COL16A1: variants seen among roughly 807,000 people sequenced by gnomAD.
The protein encoded by COL16A1 is collagen type XVI alpha 1 chain, also known as collagen alpha-1(XVI) chain.
Under a neutral mutation model 266.3 loss-of-function variants are expected in COL16A1, and 189 were observed. The ratio of observed to expected loss-of-function variants is 0.71; its 90% CI spans 0.63 to 0.80. COL16A1 has a LOEUF of 0.80. Ranked by LOEUF, COL16A1 falls within the 30% of genes least tolerant of loss-of-function variation. The pLI is 0.00. For synonymous variants in COL16A1, 740 were observed against 782.3 expected (o/e 0.95, Z 0.90); for missense variants, 1,928 against 2,122.4 (o/e 0.91, Z 1.80).
At chr1:31,678,814 A>G (rs1448353460) in intron 42 of COL16A1, among the ~76,000 whole-genome samples, 1 of 152,202 alleles carries the variant, frequency 6.6e-6, no homozygotes, top group Non-Finnish European at 1.5e-5. Context: ...CTACCGTCAC[A>G]CAGCTAGCAC....
chr1:31,656,964 G>A lies in COL16A1; in HGVS notation c.4056+69C>T, dbSNP rs1225291442. 9 of 1,602,482 alleles carry A rather than the reference G, an allele frequency of 5.6e-6. No individual in the cohort carries two copies. Among genetic ancestry groups the A allele is most frequent in the Non-Finnish European group, 6.8e-6 (8 of 1,170,110 alleles). On this transcript the variant is annotated intron_variant, in intron 65 of 70. Coordinates refer to ENST00000373672, the MANE Select transcript of COL16A1 (RefSeq NM_001856.4). The surrounding 1 kb of genome is among the most constrained non-coding windows in gnomAD (Gnocchi z 4.2). Reference sequence around the variant, plus strand: ...AGGAATGTTTACTGAAAAAAATGAAGAGGGGTCAGGGCAAGGCGAGGAGCA... The same window carrying A: ...AGGAATGTTTACTGAAAAAAATGAAAAGGGGTCAGGGCAAGGCGAGGAGCA...
rs375383196 is a variant in COL16A1 at position 31,696,998 on chromosome 1, G to T, written c.829C>A (p.Arg277Ser). The change falls in exon 8 of 71, where the codon CGC becomes AGC. Residue 277 changes from arginine (R) to serine (S), a missense_variant. By Grantham distance (110) the Arg-to-Ser change is moderately radical. This residue lies in a region of COL16A1 where 1,552 missense variants were observed against 1,637.2 expected (regional missense o/e 0.95). Transcript: ENST00000373672. ...TGAGGCTCCTCCAGGCAGAAGCAGC[G>T]GGTGTAGACCTTGCCTTCAGACTGT... The part of the protein sequence containing the change: ...NPQSEGKVYT[R>S]CFCLEEPQNS... 2 of 1,614,146 alleles carry T rather than the reference G, an allele frequency of 1.2e-6. No homozygotes were observed. Among genetic ancestry groups the T allele is most frequent in the Admixed American group, 1.7e-5 (1 of 60,032 alleles).
In COL16A1 at chr1:31,670,319, T is replaced by C; in HGVS notation, c.3195+283A>G. On this transcript the variant is annotated intron_variant, in intron 49 of 70. Coordinates refer to ENST00000373672, the MANE Select transcript of COL16A1 (RefSeq NM_001856.4). This position sits in a 1 kb window ranked among gnomAD's most constrained non-coding sequence, Gnocchi z 4.5. ...GAGGACTTGGGGGAGTGCTGCAAGA[T>C]GGTGCGAGAAATGGAGAAGGAAGAC... The C allele has an allele frequency of 5.2e-6, 2 of 381,662 alleles. No homozygotes were observed. The highest frequency in any genetic ancestry group is 2.1e-5 in the African/African-American group (1 of 47,754). 23.6% of individuals were successfully genotyped at this position (381,662 alleles called of 1,614,324 possible). A position where few individuals can be genotyped will look rare whatever the true frequency, so the allele number is the denominator to read the frequency against.
Position 31,656,261 on chromosome 1 carries a change from T to C in COL16A1, c.4101+139A>G. 2.2e-5 allele frequency: 32 copies of C among 1,441,924 alleles called. No homozygotes were observed. The South Asian group carries it at 4.1e-4, about 18-fold the overall frequency. 89.3% of individuals were successfully genotyped at this position (1,441,924 alleles called of 1,614,324 possible). A position where few individuals can be genotyped will look rare whatever the true frequency, so the allele number is the denominator to read the frequency against. On this transcript the variant is annotated intron_variant, in intron 66 of 70. Coordinates refer to ENST00000373672, the MANE Select transcript of COL16A1 (RefSeq NM_001856.4). This position sits in a 1 kb window ranked among gnomAD's most constrained non-coding sequence, Gnocchi z 4.2. Reference sequence around the variant, plus strand: ...CCATGTGAGAAATTTTCAGACACTATCCTGCTCCAAGTTCTGCATTTTTGC... The same window carrying C: ...CCATGTGAGAAATTTTCAGACACTACCCTGCTCCAAGTTCTGCATTTTTGC...
intron 52 of COL16A1, among the ~76,000 whole-genome samples, chr1:31,666,794 G>A (rs1018368761): frequency 2.0e-5 from 3 of 151,936 alleles, no homozygotes; most frequent in East Asian, 1.9e-4. Context: ...CCTCCGCTTC[G>A]ATGGTGCCCA....
At chr1:31,691,700 C>A (rs2148808051) in intron 17 of COL16A1, 58 bp from the exon 18 acceptor site, 1 of 1,576,684 alleles carries the variant, frequency 6.3e-7, no homozygotes, top group South Asian at 1.2e-5. Flanking sequence ...CACCGCCCCA[C>A]TGGGAGAGGT....
At chr1:31,682,267 C>G (rs986407067) in intron 37 of COL16A1, among the ~76,000 whole-genome samples, 1 of 152,146 alleles carries the variant, frequency 6.6e-6, no homozygotes, top group African/African-American at 2.4e-5. Context: ...TCTCTTAAAA[C>G]GTGGGAGCCA....
chr1:31,660,618 TC>T lies in COL16A1; in HGVS notation c.3845del (p.Gly1282AspfsTer31). Reference sequence around the variant, plus strand: ...CCGGGGGACCGGGTCTTCCCTGGGGTCCCATGGCACCAGGTTCACCCTGCAG... The same window carrying T: ...CCGGGGGACCGGGTCTTCCCTGGGGTCCATGGCACCAGGTTCACCCTGCAG... ...PGAEGEPGAM[G>X]PQGRPGPPGH... is the part of the protein sequence containing the mutation. On this transcript the variant is annotated frameshift_variant, in exon 62 of 71. Coordinates refer to ENST00000373672, the MANE Select transcript of COL16A1 (RefSeq NM_001856.4). LOFTEE classifies it high-confidence loss of function. 6.2e-7 allele frequency: 1 copy of T among 1,613,768 alleles called. No homozygotes were observed. The highest frequency in any genetic ancestry group is 8.5e-7 in the Non-Finnish European group (1 of 1,179,902).
At position 31,662,584 on chromosome 1, in the gene COL16A1, C is replaced by G; in HGVS notation, c.3627+3G>C. 6.4e-7 allele frequency: 1 copy of G among 1,565,560 alleles called. No homozygotes were observed. Among genetic ancestry groups the G allele is most frequent in the Middle Eastern group, 2.1e-4 (1 of 4,738 alleles). On this transcript the variant is annotated splice_donor_region_variant and intron_variant, in intron 57 of 70. Transcript: ENST00000373672. ...CTGCCACGCTGAAAGGGCACACACT[C>G]ACCTGAATCCCAGGAGGTCCCGGTG...
At chr1:31,683,461 G>A in intron 34 of COL16A1, 92 bp from the exon 35 acceptor site, 1 of 1,605,136 alleles carries the variant, frequency 6.2e-7, no homozygotes, top group South Asian at 1.1e-5. Flanking sequence ...TCTGGGTGGG[G>A]TATCTGCCAG....
In COL16A1 at chr1:31,657,124, A is replaced by T. The variant is rs1016892495; in HGVS notation, c.4021-56T>A. Reference sequence around the variant, plus strand: ...GAGCTCCAACCCAGTTTGGTGTCAGATGCCTCACTTTGTACATGGGGCAAG... The same window carrying T: ...GAGCTCCAACCCAGTTTGGTGTCAGTTGCCTCACTTTGTACATGGGGCAAG... On this transcript the variant is annotated intron_variant, in intron 64 of 70. Transcript: ENST00000373672. The surrounding 1 kb of genome is among the most constrained non-coding windows in gnomAD (Gnocchi z 6.4). The T allele has an allele frequency of 1.6e-4, 259 of 1,610,102 alleles. No homozygotes were observed. The highest frequency in any genetic ancestry group is 3.3e-4 in the Admixed American group (20 of 59,994).
In COL16A1 at chr1:31,668,319, C is replaced by T. The variant is rs1394341224; in HGVS notation, c.3250-101G>A. The T allele has an allele frequency of 7.9e-7, 1 of 1,271,870 alleles. No homozygotes were observed. Among genetic ancestry groups the T allele is most frequent in the Non-Finnish European group, 1.1e-6 (1 of 883,266 alleles). 78.8% of individuals were successfully genotyped at this position (1,271,870 alleles called of 1,614,324 possible). A position where few individuals can be genotyped will look rare whatever the true frequency, so the allele number is the denominator to read the frequency against. ...AAGCTAAAACCTCTGGGGCTGCCAT[C>T]TAGCAGGTGCCAGCCTGCCCCAGCA... On this transcript the variant is annotated intron_variant, in intron 50 of 70. Coordinates refer to ENST00000373672, the MANE Select transcript of COL16A1 (RefSeq NM_001856.4). The surrounding 1 kb of genome is among the most constrained non-coding windows in gnomAD (Gnocchi z 5.8).
At chr1:31,693,199 T>C (rs773234046) in intron 12 of COL16A1, 45 bp from the exon 13 acceptor site, 1 of 1,315,128 alleles carries the variant, frequency 7.6e-7, no homozygotes, top group Non-Finnish European at 1.1e-6. Flanking sequence ...AGGGGGCACA[T>C]GGGAGCCTTG....
At chr1:31,661,616 C>CTGCAACTT in intron 59 of COL16A1, 44 bp downstream of exon 59, 1 of 1,613,886 alleles carries the variant, frequency 6.2e-7, no homozygotes, top group Non-Finnish European at 8.5e-7. Flanking sequence ...CAGGCAGAAG[C>CTGCAACTT]TGCAACTTCG....
Position 31,695,204 on chromosome 1 carries a change from A to G in COL16A1, c.963T>C (p.His321=). The G allele has an allele frequency of 6.2e-7, 1 of 1,613,878 alleles. No homozygotes were observed. Among genetic ancestry groups the G allele is most frequent in the Non-Finnish European group, 8.5e-7 (1 of 1,179,978 alleles). The change falls in exon 11 of 71, where the codon CAT becomes CAC. Residue 321 remains histidine, a synonymous_variant. Coordinates refer to ENST00000373672, the MANE Select transcript of COL16A1 (RefSeq NM_001856.4). ...TAADECPPCV[H]GARDSNVTLA... is the part of the protein sequence containing the mutation. ...CACTCACATTGCTGTCCCGGGCACCATGGACACAGGGCGGACACTGAAAGG... is the reference window on the plus strand; with the variant it reads ...CACTCACATTGCTGTCCCGGGCACCGTGGACACAGGGCGGACACTGAAAGG...
intron 8 of COL16A1, 100 bp downstream of exon 8, chr1:31,696,863 C>T (rs1570591114): frequency 6.3e-7 from 1 of 1,576,450 alleles, no homozygotes; most frequent in African/African-American, 1.3e-5. Flanking sequence ...GCCCTGGGCC[C>T]ATGGCCAACT....
intron 53 of COL16A1, 35 bp from the exon 54 acceptor site, chr1:31,665,970 A>G (rs1248552324): frequency 1.5e-5 from 24 of 1,613,468 alleles, no homozygotes; most frequent in Non-Finnish European, 2.0e-5. Flanking sequence ...GCCGAAACCT[A>G]ATCTTCCTGC....
rs115780013 is a variant in COL16A1 at position 31,652,996 on chromosome 1, C to A, written c.4613-143G>T. On this transcript the variant is annotated intron_variant, in intron 70 of 70. Coordinates refer to ENST00000373672, the MANE Select transcript of COL16A1 (RefSeq NM_001856.4). The surrounding 1 kb of genome is among the most constrained non-coding windows in gnomAD (Gnocchi z 4.8). ...GTTTTCATGAAGACCTAGTCTGATC[C>A]TCACGTTGATTTAACAATAACAATA... 2.3e-6 allele frequency: 2 copies of A among 851,468 alleles called. No individual in the cohort carries two copies. Among genetic ancestry groups the A allele is most frequent in the Non-Finnish European group, 3.2e-6 (2 of 617,124 alleles). The allele number at this position is 851,468 out of a possible 1,614,324, so 52.7% of individuals were successfully genotyped here.
chr1:31,652,663 C>G lies in COL16A1; in HGVS notation c.4803G>C (p.Gly1601=), dbSNP rs147479014. 2.2e-4 allele frequency: 352 copies of G among 1,578,464 alleles called. 1 individual carries two copies. In the East Asian group the frequency reaches 7.0e-3, roughly 31 times the overall value. ...CAGGTGGGGAATTTCAGCCAAAAGG[C>G]CCCTTCATGGTTTTCATGGGTGGGT... ...QQYPPMKTMK[G]PFG is the part of the protein sequence containing the mutation. Residue 1601 remains glycine, a synonymous_variant, in exon 71 of 71, where the codon GGG becomes GGC. Transcript: ENST00000373672. The surrounding 1 kb of genome is among the most constrained non-coding windows in gnomAD (Gnocchi z 4.8).
Sources: allele counts gnomAD v4.1 joint callset (sites outside exome capture counted in the v4.1 genomes callset), GRCh38; gene constraint gnomAD v4.1.1; regional missense constraint gnomAD v4.1.1; non-coding constraint Gnocchi (gnomAD v3.1); transcripts MANE v1.5; gene names NCBI Gene and HGNC (gene_info 2026-07-23, HGNC 2026-07-21).